Variants in UHRF1 observed in about 807,000 individuals in gnomAD.
The protein encoded by UHRF1 is ubiquitin like with PHD and ring finger domains 1.
Under a neutral mutation model 96.5 loss-of-function variants are expected in UHRF1, and 9 were observed. The ratio of observed to expected loss-of-function variants is 0.09; its 90% CI spans 0.06 to 0.16. The LOEUF (loss-of-function observed/expected upper bound fraction) is 0.16. UHRF1 is among the 10% of genes least tolerant of loss of function. UHRF1 has a pLI of 1.00. For synonymous variants in UHRF1, 455 were observed against 469.9 expected (o/e 0.97, Z 0.41); for missense variants, 626 against 1,131.1 (o/e 0.55, Z 6.40).
In UHRF1 at chr19:4,941,833, G is replaced by A. The variant is rs1224287494; in HGVS notation, c.975G>A (p.Gln325=). Residue 325 remains glutamine, a synonymous_variant, in exon 7 of 17, where the codon CAG becomes CAA. Coordinates refer to ENST00000650932, the MANE Select transcript of UHRF1 (RefSeq NM_001048201.3). The stretch of plus-strand genomic sequence containing the variant: ...CCTGCCACCTGTGCGGGGGCCGGCA[G>A]GACCCCGACAAGCAGCTCATGTGCG... The part of the protein sequence containing the change: ...VCACHLCGGR[Q]DPDKQLMCDE... The A allele has an allele frequency of 2.5e-6, 4 of 1,576,434 alleles. No individual in the cohort carries two copies. Among genetic ancestry groups the A allele is most frequent in the Non-Finnish European group, 3.4e-6 (4 of 1,161,746 alleles).
intron 2 of UHRF1, among the ~76,000 whole-genome samples, chr19:4,911,544 A>G (rs1302513808): frequency 6.6e-6 from 1 of 152,150 alleles, no homozygotes; most frequent in African/African-American, 2.4e-5. Context: ...GCGCTTGCTA[A>G]TCAGGAATTT....
At chr19:4,951,164 G>A (rs2033708401) in intron 13 of UHRF1, among the ~76,000 whole-genome samples, 168 bp downstream of exon 13, 1 of 152,186 alleles carries the variant, frequency 6.6e-6, no homozygotes, top group South Asian at 2.1e-4. Flanking sequence ...TACTGAGGTG[G>A]CTGAGGCAGG....
intron 3 of UHRF1, 135 bp downstream of exon 3, chr19:4,929,611 G>A: frequency 7.9e-7 from 1 of 1,272,444 alleles, no homozygotes; most frequent in Non-Finnish European, 1.1e-6. Context: ...GCCAAGGGGT[G>A]GTTTCCTGCA....
Position 4,953,685 on chromosome 19 carries a change from C to T in UHRF1, c.1819-665C>T, listed in dbSNP as rs189305132. Among the ~76,000 whole-genome samples the T allele has an allele frequency of 4.0e-3, 613 of 152,240 alleles. 4 individuals are homozygous for T. Among genetic ancestry groups the T allele is most frequent in the Admixed American group, 0.011 (173 of 15,298 alleles). On this transcript the variant is annotated intron_variant, in intron 13 of 16. Transcript: ENST00000650932. ...CTTGCTATGTTGCCCAGGCTGGTCT[C>T]AAACTCCTGGGCTCAAGCGATCCCC...
chr19:4,930,702 C>A lies in UHRF1; in HGVS notation c.409-14C>A. Reference sequence around the variant, plus strand: ...CACCCCGTTGGGATGCCAGACTTCCCTCATTCCTCACAGGTCAATGAGTAC... The same window carrying A: ...CACCCCGTTGGGATGCCAGACTTCCATCATTCCTCACAGGTCAATGAGTAC... On this transcript the variant is annotated splice_polypyrimidine_tract_variant and intron_variant, in intron 3 of 16. Transcript: ENST00000650932. This position sits in a 1 kb window ranked among gnomAD's most constrained non-coding sequence, Gnocchi z 4.4. The A allele has an allele frequency of 6.2e-7, 1 of 1,612,292 alleles. No individual in the cohort carries two copies.
chr19:4,947,216 G>A lies in UHRF1; in HGVS notation c.1517+5G>A, dbSNP rs1373136463. ...GAAACTCACCAACACCAACAGGTTT[G>A]TGGAATCAGCCTTCTTATTTCCTTG... On this transcript the variant is annotated splice_donor_5th_base_variant and intron_variant, in intron 11 of 16. Transcript: ENST00000650932. 1.2e-6 allele frequency: 2 copies of A among 1,613,304 alleles called. No homozygotes were observed. Among genetic ancestry groups the A allele is most frequent in the East Asian group, 2.2e-5 (1 of 44,882 alleles).
intron 5 of UHRF1, among the ~76,000 whole-genome samples, chr19:4,933,674 C>T (rs2033128849): frequency 6.6e-6 from 1 of 152,162 alleles, no homozygotes; most frequent in African/African-American, 2.4e-5. Context: ...ACCAACTTTC[C>T]AGGGACATTC....
chr19:4,957,340 G>A (rs1032191403), intron 16 of UHRF1, among the ~76,000 whole-genome samples: 3 of 116,580 alleles, frequency 2.6e-5, no homozygotes, highest in Non-Finnish European at 3.3e-5. Flanking sequence ...ACAGAGTCTC[G>A]CTCTGTTGCC....
chr19:4,944,832 C>T (rs965494543), intron 9 of UHRF1, among the ~76,000 whole-genome samples: 1 of 152,120 alleles, frequency 6.6e-6, no homozygotes, highest in East Asian at 1.9e-4. Context: ...CTGTGTGTCA[C>T]GGCAGACGAG....
At chr19:4,908,725 C>T (rs1242287602), upstream of UHRF1, among the ~76,000 whole-genome samples, 1 of 152,152 alleles carries the variant, frequency 6.6e-6, no homozygotes, top group Non-Finnish European at 1.5e-5. Flanking sequence ...CTGAAATTAT[C>T]TGCTTTAGTT....
chr19:4,947,519 T>TTTTTG lies in UHRF1; in HGVS notation c.1517+308_1517+309insTTTTG, dbSNP rs1568428019. Among the ~76,000 whole-genome samples, 13 of 132,126 alleles carry TTTTTG rather than the reference T, an allele frequency of 9.8e-5. No homozygotes were observed. The South Asian group carries it at 3.1e-3, about 32-fold the overall frequency. The allele number at this position is 132,126 out of a possible 152,430, so 86.7% of individuals were successfully genotyped here. A position where few individuals can be genotyped will look rare whatever the true frequency, so the allele number is the denominator to read the frequency against. ...TTTTTTTTTTTTTTTTTTTTTTTTT[T>TTTTTG]GGGCAGAGTCTCGCTCTGTTGCCCA... is the stretch of plus-strand genomic sequence containing the variant. On this transcript the variant is annotated intron_variant, in intron 11 of 16. Transcript: ENST00000650932.
At position 4,930,808 on chromosome 19, in the gene UHRF1, C is replaced by T. The variant is rs377701384; in HGVS notation, c.501C>T (p.Asp167=). The T allele has an allele frequency of 1.1e-5, 17 of 1,613,908 alleles. No individual in the cohort carries two copies. Among genetic ancestry groups the T allele is most frequent in the Middle Eastern group, 1.6e-4 (1 of 6,062 alleles). ...VRVTRKAPSR[D]EPCSSTSRPA... is the part of the protein sequence containing the mutation. ...TGACGCGGAAGGCCCCCTCCCGGGA[C>T]GAGCCCTGCAGCTCCACGTCCAGGC... Residue 167 remains aspartate, a synonymous_variant, in exon 4 of 17, where the codon GAC becomes GAT. Transcript: ENST00000650932. The surrounding 1 kb of genome is among the most constrained non-coding windows in gnomAD (Gnocchi z 4.4).
chr19:4,925,410 C>T (rs1480806816), intron 2 of UHRF1, among the ~76,000 whole-genome samples: 2 of 152,160 alleles, frequency 1.3e-5, no homozygotes, highest in Non-Finnish European at 2.9e-5. Context: ...CCTTTTGTGT[C>T]TGGTGTTTCT....
chr19:4,933,764 C>T (rs144147524), intron 5 of UHRF1, among the ~76,000 whole-genome samples: 10 of 152,210 alleles, frequency 6.6e-5, no homozygotes, highest in Middle Eastern at 3.4e-3. Context: ...GGTCCGCTGC[C>T]GGCTTTGACT....
chr19:4,938,517 C>T (rs2033281806), intron 5 of UHRF1, among the ~76,000 whole-genome samples: 1 of 151,594 alleles, frequency 6.6e-6, no homozygotes, highest in South Asian at 2.1e-4. Context: ...AAGAATAAGA[C>T]AGTTTTTTTT....
intron 1 of UHRF1, chr19:4,910,641 T>C: frequency 1.5e-5 from 6 of 400,434 alleles, no homozygotes; most frequent in Non-Finnish European, 2.6e-5. Flanking sequence ...ATTCCCTCTT[T>C]TCATTCTCCT....
chr19:4,931,578 C>T (rs937290333), intron 4 of UHRF1, among the ~76,000 whole-genome samples: 2 of 152,106 alleles, frequency 1.3e-5, no homozygotes, highest in African/African-American at 4.8e-5. Context: ...AGCGATTCTC[C>T]TGCCTCAGCC....
Position 4,910,936 on chromosome 19 carries a change from C to T in UHRF1, c.51C>T (p.Asp17=), listed in dbSNP as rs1404586658. The change falls in exon 2 of 17, where the codon GAC becomes GAT. Residue 17 remains aspartate, a synonymous_variant. Transcript: ENST00000650932. ...ACGGGAGGCAGACCCACACGGTGGA[C>T]TCGCTGTCCAGGCTGACCAAGGTGG... ...TMDGRQTHTV[D]SLSRLTKVEE... The T allele has an allele frequency of 1.2e-6, 2 of 1,613,586 alleles. No homozygotes were observed. Among genetic ancestry groups the T allele is most frequent in the East Asian group, 4.5e-5 (2 of 44,886 alleles).
chr19:4,955,815 G>A (rs1321432344), intron 15 of UHRF1, among the ~76,000 whole-genome samples: 1 of 152,068 alleles, frequency 6.6e-6, no homozygotes, highest in East Asian at 1.9e-4. Flanking sequence ...AAATTTTTTT[G>A]GTGACAGGAG....
Sources: gnomAD v4.1 joint callset for allele counts (sites outside exome capture counted in the v4.1 genomes callset) on GRCh38, gnomAD v4.1.1 for gene constraint, Gnocchi (gnomAD v3.1) non-coding constraint, MANE v1.5 for transcripts, NCBI Gene and HGNC (gene_info 2026-07-23, HGNC 2026-07-21) for gene names.